The following TBCK variants were observed in gnomAD, a reference collection of about 807,000 sequenced individuals.
TBCK encodes TBC1 domain containing kinase.
TBCK carries 99 observed loss-of-function variants against 113.4 expected under a neutral mutation model. That is an observed-to-expected ratio of 0.87 (90% CI 0.74 to 1.03). The LOEUF is 1.03. Ranked by LOEUF, TBCK falls within the 50% of genes least tolerant of loss-of-function variation. TBCK has a pLI of 0.00. For synonymous variants in TBCK, 369 were observed against 370.8 expected (o/e 1.00, Z 0.05); for missense variants, 1,045 against 1,061.3 (o/e 0.98, Z 0.21).
At chr4:106,243,826 C>G (rs1042064633) in intron 11 of TBCK, among the ~76,000 whole-genome samples, 2 of 152,012 alleles carry the variant, frequency 1.3e-5, no homozygotes, top group African/African-American at 4.8e-5. Flanking sequence ...GTAGCTAGGA[C>G]TACAGGCACA....
chr4:106,217,392 A>G (rs998028932), intron 19 of TBCK, among the ~76,000 whole-genome samples: 7 of 152,212 alleles, frequency 4.6e-5, no homozygotes, highest in Non-Finnish European at 1.0e-4. Context: ...AGAAGGAAAT[A>G]AAGGGCATTC....
intron 25 of TBCK, among the ~76,000 whole-genome samples, chr4:106,050,661 A>G (rs1490715300): frequency 1.3e-5 from 2 of 151,952 alleles, no homozygotes; most frequent in East Asian, 1.9e-4. Context: ...TAACATAAAA[A>G]CTCGTGGGTT....
rs762428473 is a variant in TBCK, at chr4:106,232,979, T to G, written c.1598A>C (p.Lys533Thr). ...ATCAGGATGAGACACTACCCAGGCT[T>G]TTAATACACGCCTAAATTTTGCATG... ...EGHAKFRRVL[K>T]AWVVSHPDLV... is the part of the protein sequence containing the mutation. Residue 533 changes from lysine to threonine, a missense_variant, in exon 17 of 26, where the codon AAA (lysine) becomes ACA (threonine). By Grantham distance (78) the Lys-to-Thr change is moderately conservative (BLOSUM62 -1). Transcript: ENST00000394708. The G allele has an allele frequency of 9.3e-6, 15 of 1,612,384 alleles. No individual in the cohort carries two copies. The East Asian group carries it at 3.4e-4, about 36-fold the overall frequency.
chr4:106,074,313 T>C (rs1737903521), intron 25 of TBCK, among the ~76,000 whole-genome samples: 1 of 152,236 alleles, frequency 6.6e-6, no homozygotes, highest in Non-Finnish European at 1.5e-5. Flanking sequence ...GAAGATTGGC[T>C]CAAATTCTAG....
chr4:106,159,034 G>GA (rs548487951), intron 23 of TBCK, among the ~76,000 whole-genome samples: 316 of 113,346 alleles, frequency 2.8e-3, no homozygotes, highest in Non-Finnish European at 3.7e-3. Flanking sequence ...AGAATGGAGA[G>GA]AAAAAAAAAA....
At chr4:106,283,284 T>C (rs370454993) in intron 3 of TBCK, among the ~76,000 whole-genome samples, 12 of 152,270 alleles carry the variant, frequency 7.9e-5, no homozygotes, top group African/African-American at 2.9e-4. Context: ...AGTATGTATG[T>C]CAAAAACGTT....
chr4:106,230,000 T>A (rs1169193119), intron 19 of TBCK, among the ~76,000 whole-genome samples: 2 of 152,006 alleles, frequency 1.3e-5, no homozygotes, highest in Non-Finnish European at 2.9e-5. Flanking sequence ...TTTTTAATAC[T>A]CTGCTTACAC....
intron 2 of TBCK, among the ~76,000 whole-genome samples, chr4:106,301,155 A>T (rs1766892371): frequency 6.6e-6 from 1 of 150,650 alleles, no homozygotes; most frequent in African/African-American, 2.4e-5. Context: ...CATATAACTT[A>T]CATAAATAAC....
chr4:106,265,175 C>T (rs1049996724), intron 3 of TBCK, among the ~76,000 whole-genome samples: 1 of 151,936 alleles, frequency 6.6e-6, no homozygotes, highest in Non-Finnish European at 1.5e-5. Flanking sequence ...ACATCTTTCA[C>T]TGTTTTCTCT....
Position 106,278,942 on chromosome 4 carries a change from A to C in TBCK, c.266+16152T>G, listed in dbSNP as rs183546882. ...AATGAAACAACAAAAAAAACCTCTG[A>C]GTCTCTTGTAGCCTAATTCCAAGTG... On this transcript the variant is annotated intron_variant, in intron 3 of 25. Transcript: ENST00000394708. 4.0e-3 allele frequency among the ~76,000 whole-genome samples: 605 copies of C among 152,268 alleles called. 2 individuals carry two copies. Among genetic ancestry groups the C allele is most frequent in the Non-Finnish European group, 4.5e-3 (303 of 67,994 alleles).
chr4:106,068,372 A>G lies in TBCK; in HGVS notation c.2572-21692T>C, dbSNP rs1239101808. Among the ~76,000 whole-genome samples, 6 of 152,120 alleles carry G rather than the reference A, an allele frequency of 3.9e-5. No individual in the cohort carries two copies. In the East Asian group the frequency reaches 5.8e-4, roughly 15 times the overall value. On this transcript the variant is annotated intron_variant, in intron 25 of 25. Coordinates refer to ENST00000394708, the MANE Select transcript of TBCK (RefSeq NM_001163435.3). ...TGTGTCCAAGTGTTCTCATTGTTCAATTCCCACCTATGAGTGAGAACATGT... is the reference window on the plus strand; with the variant it reads ...TGTGTCCAAGTGTTCTCATTGTTCAGTTCCCACCTATGAGTGAGAACATGT...
At chr4:106,289,229 A>G (rs1352524815) in intron 3 of TBCK, among the ~76,000 whole-genome samples, 1 of 152,336 alleles carries the variant, frequency 6.6e-6, no homozygotes, top group African/African-American at 2.4e-5. Flanking sequence ...ATACCTAGAC[A>G]GAGCTGGGAC....
Position 106,060,455 on chromosome 4 carries a change from C to T in TBCK, c.2572-13775G>A, listed in dbSNP as rs181744721. 6.0e-4 allele frequency among the ~76,000 whole-genome samples: 91 copies of T among 151,796 alleles called. 3 individuals are homozygous for T. Among genetic ancestry groups the T allele is most frequent in the Admixed American group, 1.7e-3 (26 of 15,224 alleles). On this transcript the variant is annotated intron_variant, in intron 25 of 25. Coordinates refer to ENST00000394708, the MANE Select transcript of TBCK (RefSeq NM_001163435.3). ...GTTCTATAAATGGAACAACAAAGTCCGGACGACAGCACACCTGTTTGCAGC... is the reference window on the plus strand; with the variant it reads ...GTTCTATAAATGGAACAACAAAGTCTGGACGACAGCACACCTGTTTGCAGC...
At chr4:106,198,433 T>C (rs1375055009) in intron 20 of TBCK, among the ~76,000 whole-genome samples, 3 of 152,096 alleles carry the variant, frequency 2.0e-5, no homozygotes, top group African/African-American at 7.2e-5. Context: ...AGAAGGCAGA[T>C]TTACTATGAT....
intron 2 of TBCK, among the ~76,000 whole-genome samples, chr4:106,300,185 T>C (rs578222571): frequency 6.6e-6 from 1 of 152,338 alleles, no homozygotes; most frequent in South Asian, 2.1e-4. Context: ...CCTTCCACCA[T>C]GAATGTGAGG....
chr4:106,117,791 C>T (rs572588757), intron 23 of TBCK, among the ~76,000 whole-genome samples: 11 of 152,172 alleles, frequency 7.2e-5, no homozygotes, highest in African/African-American at 2.6e-4. Flanking sequence ...GGGTGGATTA[C>T]GAGGTCAGGA....
intron 21 of TBCK, among the ~76,000 whole-genome samples, chr4:106,194,333 A>G (rs1294346798): frequency 6.6e-6 from 1 of 152,094 alleles, no homozygotes; most frequent in South Asian, 2.1e-4. Context: ...TTACGCATTC[A>G]CATAATCTGC....
chr4:106,210,261 T>C (rs573935172), intron 20 of TBCK, among the ~76,000 whole-genome samples: 25 of 152,280 alleles, frequency 1.6e-4, no homozygotes, highest in African/African-American at 5.5e-4. Context: ...CTTAAGCTCA[T>C]GGTTTCTCTC....
At chr4:106,070,962 T>G (rs1402842019) in intron 25 of TBCK, among the ~76,000 whole-genome samples, 1 of 152,126 alleles carries the variant, frequency 6.6e-6, no homozygotes. Flanking sequence ...TGATGGTAGT[T>G]TGTATTTCTG....
Sources: gnomAD v4.1 joint callset for allele counts (sites outside exome capture counted in the v4.1 genomes callset) on GRCh38, gnomAD v4.1.1 for gene constraint, MANE v1.5 for transcripts, NCBI Gene and HGNC (gene_info 2026-07-23, HGNC 2026-07-21) for gene names.